The following DLG2 variants were observed in gnomAD, a reference collection of about 807,000 sequenced individuals.
DLG2 encodes discs large MAGUK scaffold protein 2.
Under a neutral mutation model 132.5 loss-of-function variants are expected in DLG2, and 45 were observed. That is an observed-to-expected ratio of 0.34 (90% CI 0.27 to 0.44). The LOEUF (loss-of-function observed/expected upper bound fraction) is 0.44, where lower values mean the gene tolerates loss of function less well. Among genes scored for constraint, DLG2 ranks in the 20% least tolerant of loss-of-function variants. DLG2 has a pLI of 1.00. For missense variants in DLG2, 1,045 were observed against 1,196.9 expected, an observed-to-expected ratio of 0.87 and a Z score of 1.87; for synonymous variants, 424 against 419.6, an observed-to-expected ratio of 1.01 and a Z score of -0.13.
intron 2 of DLG2, among the ~76,000 whole-genome samples, chr11:85,617,497 A>T (rs1298317607): frequency 6.6e-6 from 1 of 152,236 alleles, no homozygotes; most frequent in Non-Finnish European, 1.5e-5. Context: ...ATATATTTTA[A>T]GATTCATACA....
chr11:84,594,971 G>T (rs921043642), intron 6 of DLG2, among the ~76,000 whole-genome samples: 5 of 152,150 alleles, frequency 3.3e-5, no homozygotes, highest in Non-Finnish European at 7.4e-5. Context: ...TGCTATGAAA[G>T]TTATTTGGGA....
chr11:83,680,488 C>CTCCTATCTTAA (rs1273916827), intron 18 of DLG2, among the ~76,000 whole-genome samples: 1 of 152,096 alleles, frequency 6.6e-6, no homozygotes, highest in Non-Finnish European at 1.5e-5. Flanking sequence ...TTTGCTGAAT[C>CTCCTATCTTAA]TCCTATCTTA....
At chr11:84,066,120 A>T (rs1048802363) in intron 10 of DLG2, among the ~76,000 whole-genome samples, 1 of 152,182 alleles carries the variant, frequency 6.6e-6, no homozygotes, top group African/African-American at 2.4e-5. Flanking sequence ...ATCAGGTATT[A>T]TGCTTATTAC....
chr11:84,838,527 A>C (rs189883286), intron 6 of DLG2, among the ~76,000 whole-genome samples: 2 of 152,068 alleles, frequency 1.3e-5, no homozygotes, highest in Non-Finnish European at 2.9e-5. Context: ...CCACTTGACA[A>C]AGAAATTTGG....
chr11:84,875,486 T>C (rs1489069652), intron 6 of DLG2, among the ~76,000 whole-genome samples: 1 of 151,758 alleles, frequency 6.6e-6, no homozygotes, highest in Non-Finnish European at 1.5e-5. Flanking sequence ...ATATGAATTC[T>C]TGATTTCCTG....
chr11:83,569,525 G>A (rs185556685), intron 19 of DLG2, among the ~76,000 whole-genome samples: 25 of 152,244 alleles, frequency 1.6e-4, no homozygotes, highest in Non-Finnish European at 2.8e-4. Flanking sequence ...AGATCAGAGT[G>A]GTGAAGAGAC....
intron 11 of DLG2, among the ~76,000 whole-genome samples, chr11:84,001,657 C>T (rs537278385): frequency 6.6e-6 from 1 of 152,196 alleles, no homozygotes; most frequent in South Asian, 2.1e-4. Flanking sequence ...CTTATCAGCG[C>T]ATGAAACATT....
chr11:84,644,705 CA>C (rs61451048), intron 6 of DLG2, among the ~76,000 whole-genome samples: 28,021 of 119,260 alleles, frequency 0.23, 3,023 homozygotes, highest in East Asian at 0.39. Context: ...GACTCCATTT[CA>C]AAAAAAAAAA....
In DLG2 at chr11:83,879,331, C is replaced by T. The variant is rs61900048; in HGVS notation, c.1497-4843G>A. Among the ~76,000 whole-genome samples the T allele has an allele frequency of 9.2e-3, 1,393 of 152,180 alleles. 13 individuals carry two copies. Among genetic ancestry groups the T allele is most frequent in the Non-Finnish European group, 0.012 (815 of 68,010 alleles). On this transcript the variant is annotated intron_variant, in intron 15 of 27. Coordinates refer to ENST00000376104, the MANE Select transcript of DLG2 (RefSeq NM_001142699.3). ...ATAACAATAAAGTTACTTAATGTGA[C>T]TTGTAAAGTCACATTCATCATTAAC...
At chr11:83,879,622 G>A (rs890443656) in intron 15 of DLG2, among the ~76,000 whole-genome samples, 2 of 151,988 alleles carry the variant, frequency 1.3e-5, no homozygotes, top group African/African-American at 4.8e-5. Flanking sequence ...TAATTAAAAC[G>A]TCATCACCTT....
chr11:84,112,358 T>A (rs1305710385), intron 9 of DLG2, among the ~76,000 whole-genome samples: 1 of 133,984 alleles, frequency 7.5e-6, no homozygotes, highest in Non-Finnish European at 1.6e-5. Flanking sequence ...ACCACTTTTA[T>A]GACTACCACT....
chr11:83,513,817 T>A (rs1592216790), intron 21 of DLG2, among the ~76,000 whole-genome samples: 1 of 152,340 alleles, frequency 6.6e-6, no homozygotes, highest in Non-Finnish European at 1.5e-5. Flanking sequence ...TTTGTCAGGT[T>A]TGTCAAAGAT....
At chr11:85,303,776 C>T (rs747721345) in intron 3 of DLG2, among the ~76,000 whole-genome samples, 9 of 152,150 alleles carry the variant, frequency 5.9e-5, no homozygotes, top group Admixed American at 2.0e-4. Context: ...AACTCTCTGA[C>T]CCCAGTTCCC....
chr11:83,889,814 C>T (rs549922737), intron 15 of DLG2, among the ~76,000 whole-genome samples: 377 of 152,094 alleles, frequency 2.5e-3, no homozygotes, highest in African/African-American at 8.7e-3. Context: ...TTTGTAGGGA[C>T]ATGGATGAAA....
chr11:84,401,496 T>C (rs2098829217), intron 7 of DLG2, among the ~76,000 whole-genome samples: 1 of 152,096 alleles, frequency 6.6e-6, no homozygotes, highest in African/African-American at 2.4e-5. Flanking sequence ...ACTCTATAAA[T>C]ACCCATTAAA....
chr11:83,848,796 T>G (rs1394458445), intron 16 of DLG2, among the ~76,000 whole-genome samples: 2 of 152,226 alleles, frequency 1.3e-5, no homozygotes, highest in Admixed American at 1.3e-4. Context: ...AATTCCTGTG[T>G]GGCCCTCATG....
At chr11:85,110,958 G>T (rs1335500704) in intron 6 of DLG2, among the ~76,000 whole-genome samples, 1 of 152,048 alleles carries the variant, frequency 6.6e-6, no homozygotes, top group Non-Finnish European at 1.5e-5. Context: ...AGACACCACT[G>T]TCATTTCTAT....
At chr11:83,749,062 G>C (rs1015551329) in intron 18 of DLG2, among the ~76,000 whole-genome samples, 2 of 152,116 alleles carry the variant, frequency 1.3e-5, no homozygotes, top group African/African-American at 2.4e-5. Context: ...GTTCATTAGT[G>C]GTCATGGCTC....
chr11:84,799,666 G>T (rs1203780890), intron 6 of DLG2, among the ~76,000 whole-genome samples: 1 of 152,042 alleles, frequency 6.6e-6, no homozygotes, highest in African/African-American at 2.4e-5. Flanking sequence ...AGATAATTTT[G>T]AGACTCTCTT....
Sources: allele counts gnomAD v4.1 joint callset (sites outside exome capture counted in the v4.1 genomes callset), GRCh38; gene constraint gnomAD v4.1.1; transcripts MANE v1.5; gene names NCBI Gene and HGNC (gene_info 2026-07-23, HGNC 2026-07-21).